The following PARD3B variants were observed in gnomAD, a reference collection of about 807,000 sequenced individuals.
PARD3B encodes par-3 family cell polarity regulator beta.
PARD3B carries 103 observed loss-of-function variants against 130.2 expected under a neutral mutation model. The ratio of observed to expected loss-of-function variants is 0.79; its 90% CI spans 0.67 to 0.93. PARD3B has a LOEUF of 0.93. Ranked by LOEUF, PARD3B falls within the 40% of genes least tolerant of loss-of-function variation. PARD3B has a pLI of 0.00. For synonymous variants in PARD3B, 583 were observed against 553.2 expected (o/e 1.05, Z -0.76); for missense variants, 1,609 against 1,499.2 (o/e 1.07, Z -1.21).
At chr2:205,190,241 C>T (rs1373570969) in intron 14 of PARD3B, among the ~76,000 whole-genome samples, 2 of 152,096 alleles carry the variant, frequency 1.3e-5, no homozygotes, top group South Asian at 2.1e-4. Context: ...TAACACCTGG[C>T]TTAAGAGGAT....
chr2:205,466,742 C>A (rs144803772), intron 20 of PARD3B, among the ~76,000 whole-genome samples: 1 of 152,200 alleles, frequency 6.6e-6, no homozygotes, highest in South Asian at 2.1e-4. Context: ...GACGAAGTCT[C>A]GCTCTTGTTG....
At chr2:204,979,974 A>G (rs1692525623) in intron 3 of PARD3B, among the ~76,000 whole-genome samples, 1 of 152,176 alleles carries the variant, frequency 6.6e-6, no homozygotes. Flanking sequence ...TAGCCATGGG[A>G]AAAATTTTGA....
At chr2:204,721,634 C>CT (rs1267927690) in intron 2 of PARD3B, among the ~76,000 whole-genome samples, 1 of 152,054 alleles carries the variant, frequency 6.6e-6, no homozygotes, top group African/African-American at 2.4e-5. Flanking sequence ...TGGTGTCAAA[C>CT]TATTTTTCAT....
chr2:204,686,408 C>T, intron 2 of PARD3B, 126 bp downstream of exon 2: 2 of 687,482 alleles, frequency 2.9e-6, no homozygotes, highest in Non-Finnish European at 5.0e-6. Flanking sequence ...TCAGGTTTCA[C>T]CTGGACAGCC....
chr2:204,724,696 G>A (rs561025381), intron 2 of PARD3B, among the ~76,000 whole-genome samples: 32 of 152,228 alleles, frequency 2.1e-4, no homozygotes, highest in African/African-American at 7.2e-4. Flanking sequence ...TGGAAGTGGA[G>A]TAGTAGGAGA....
chr2:205,468,624 C>T (rs927803386), intron 20 of PARD3B, among the ~76,000 whole-genome samples: 5 of 152,206 alleles, frequency 3.3e-5, no homozygotes, highest in African/African-American at 7.2e-5. Flanking sequence ...ACACAACTGA[C>T]CTCTTTCTGA....
At chr2:204,880,169 T>A (rs1050782253) in intron 2 of PARD3B, among the ~76,000 whole-genome samples, 4 of 152,212 alleles carry the variant, frequency 2.6e-5, no homozygotes, top group African/African-American at 9.6e-5. Flanking sequence ...AATTGCTCTA[T>A]AAAATAATCT....
At chr2:205,209,636 T>A (rs2037514154) in intron 15 of PARD3B, among the ~76,000 whole-genome samples, 1 of 151,516 alleles carries the variant, frequency 6.6e-6, no homozygotes, top group South Asian at 2.1e-4. Flanking sequence ...TAAATATAGG[T>A]TAAATGAAGT....
At chr2:205,437,359 G>A (rs10175496) in intron 19 of PARD3B, among the ~76,000 whole-genome samples, 13,264 of 152,124 alleles carry the variant, frequency 0.087, 763 homozygotes, top group African/African-American at 0.16. Context: ...TACTCTTTAA[G>A]GAAGATTATT....
intron 2 of PARD3B, among the ~76,000 whole-genome samples, chr2:204,726,821 C>A (rs1029761546): frequency 6.6e-6 from 1 of 152,174 alleles, no homozygotes; most frequent in Non-Finnish European, 1.5e-5. Context: ...CTCTCTGCTG[C>A]GTGGACTCAT....
At chr2:204,720,257 A>C (rs1056932853) in intron 2 of PARD3B, among the ~76,000 whole-genome samples, 3 of 152,204 alleles carry the variant, frequency 2.0e-5, no homozygotes, top group Non-Finnish European at 2.9e-5. Flanking sequence ...GATAGAAGCT[A>C]CATTAGGTCT....
At chr2:205,150,730 T>A (rs796509076) in intron 10 of PARD3B, among the ~76,000 whole-genome samples, 2 of 152,138 alleles carry the variant, frequency 1.3e-5, no homozygotes, top group African/African-American at 4.8e-5. Flanking sequence ...GTCCTGGAAT[T>A]TCTTGAGGGT....
intron 1 of PARD3B, among the ~76,000 whole-genome samples, chr2:204,586,287 G>C (rs570596381): frequency 2.6e-5 from 4 of 152,202 alleles, no homozygotes; most frequent in East Asian, 1.9e-4. Flanking sequence ...AAGTGTAGAC[G>C]GTGTTTTCAA....
At chr2:205,184,339 C>T (rs1224083305) in intron 13 of PARD3B, among the ~76,000 whole-genome samples, 1 of 152,178 alleles carries the variant, frequency 6.6e-6, no homozygotes, top group Non-Finnish European at 1.5e-5. Context: ...AAATCAGGTA[C>T]ATATCTTATC....
chr2:204,692,161 G>T (rs2037385296), intron 2 of PARD3B, among the ~76,000 whole-genome samples: 1 of 152,034 alleles, frequency 6.6e-6, no homozygotes, highest in African/African-American at 2.4e-5. Context: ...TCCTGAACAG[G>T]ATGAAGTATT....
intron 4 of PARD3B, among the ~76,000 whole-genome samples, chr2:205,085,092 A>G (rs1173985924): frequency 6.6e-6 from 1 of 152,008 alleles, no homozygotes; most frequent in African/African-American, 2.4e-5. Flanking sequence ...ATCTCCTTAT[A>G]ATTGTATCCC....
intron 2 of PARD3B, among the ~76,000 whole-genome samples, chr2:204,913,571 G>C (rs532994817): frequency 6.6e-6 from 1 of 152,232 alleles, no homozygotes; most frequent in South Asian, 2.1e-4. Flanking sequence ...TTTGGTTTCA[G>C]TATTAGATTA....
chr2:205,520,217 A>G (rs1429185000), intron 21 of PARD3B, among the ~76,000 whole-genome samples: 1 of 152,190 alleles, frequency 6.6e-6, no homozygotes, highest in Non-Finnish European at 1.5e-5. Flanking sequence ...CCCTCAGTGC[A>G]ATCAGCCCAG....
At chr2:204,908,414 A>C (rs2047113665) in intron 2 of PARD3B, among the ~76,000 whole-genome samples, 1 of 152,164 alleles carries the variant, frequency 6.6e-6, no homozygotes, top group Non-Finnish European at 1.5e-5. Context: ...TTTCTTGACC[A>C]TTGTTTTTGT....
Sources: gnomAD v4.1 joint callset for allele counts (sites outside exome capture counted in the v4.1 genomes callset) on GRCh38, gnomAD v4.1.1 for gene constraint, MANE v1.5 for transcripts, NCBI Gene and HGNC (gene_info 2026-07-23, HGNC 2026-07-21) for gene names.